Variants in NLGN1 observed in about 807,000 individuals in gnomAD.
NLGN1 encodes neuroligin 1.
NLGN1 carries 12 observed loss-of-function variants against 65.5 expected under a neutral mutation model. That is an observed-to-expected ratio of 0.18 (90% CI 0.12 to 0.30). The LOEUF is 0.30. Among genes scored for constraint, NLGN1 ranks in the 10% least tolerant of loss-of-function variants. The pLI is 1.00. For missense variants in NLGN1, 750 were observed against 1,007.1 expected (o/e 0.74, Z 3.46); for synonymous variants, 350 against 359.5 (o/e 0.97, Z 0.30).
chr3:174,126,655 G>T (rs1217797687), intron 4 of NLGN1, among the ~76,000 whole-genome samples: 1 of 151,994 alleles, frequency 6.6e-6, no homozygotes, highest in African/African-American at 2.4e-5. Context: ...ACTGAGAAGA[G>T]AATATAAAAT....
chr3:173,637,190 T>C (rs1756728678), intron 3 of NLGN1, among the ~76,000 whole-genome samples: 1 of 152,130 alleles, frequency 6.6e-6, no homozygotes, highest in African/African-American at 2.4e-5. Flanking sequence ...TGAGGGTCAA[T>C]GAAAATCATT....
chr3:173,397,520 C>G (rs1457612234), upstream of NLGN1, among the ~76,000 whole-genome samples: 4 of 152,004 alleles, frequency 2.6e-5, no homozygotes, highest in East Asian at 7.8e-4. Flanking sequence ...TCCTGGTGGG[C>G]GTTCTCTCCC....
At chr3:174,207,363 C>G (rs1735627920) in intron 4 of NLGN1, among the ~76,000 whole-genome samples, 1 of 152,186 alleles carries the variant, frequency 6.6e-6, no homozygotes, top group African/African-American at 2.4e-5. Flanking sequence ...TCTTCAGCCA[C>G]AGGCACAGGA....
intron 3 of NLGN1, among the ~76,000 whole-genome samples, chr3:173,630,712 C>T (rs751012040): frequency 6.6e-6 from 1 of 151,968 alleles, no homozygotes; most frequent in Admixed American, 6.6e-5. Context: ...TACTAGGTAC[C>T]AGTATTCTTT....
intron 3 of NLGN1, among the ~76,000 whole-genome samples, chr3:173,637,082 G>T (rs957885340): frequency 2.6e-5 from 4 of 152,034 alleles, no homozygotes; most frequent in African/African-American, 9.7e-5. Flanking sequence ...TAAAAAAATA[G>T]TTACTTTGCC....
chr3:173,993,656 A>ATAGC (rs1331807121), intron 4 of NLGN1, among the ~76,000 whole-genome samples: 3 of 144,912 alleles, frequency 2.1e-5, no homozygotes, highest in East Asian at 3.9e-4. Context: ...TAGATAGATG[A>ATAGC]TAGATAGATA....
In NLGN1 at chr3:173,939,405, T is replaced by G. The variant is rs1247652600; in HGVS notation, c.646+131573T>G. Among the ~76,000 whole-genome samples, 30 of 152,190 alleles carry G rather than the reference T, an allele frequency of 2.0e-4. 1 individual carries two copies. The highest frequency in any genetic ancestry group is 2.0e-3 in the Admixed American group (30 of 15,280). Reference sequence around the variant, plus strand: ...CATTTATCTCGTGGGTTAAAATCATTCATTGATCGCTAATCACCTGTGGTT... The same window carrying G: ...CATTTATCTCGTGGGTTAAAATCATGCATTGATCGCTAATCACCTGTGGTT... On this transcript the variant is annotated intron_variant, in intron 4 of 6. Coordinates refer to ENST00000457714, the Ensembl canonical transcript of NLGN1.
At chr3:174,286,452 G>A (rs987071982) in exon 7 of NLGN1, 9 of 151,438 alleles carry the variant, frequency 5.9e-5, no homozygotes, top group Non-Finnish European at 1.2e-4. Flanking sequence ...TAGATGGTGT[G>A]TTTAAAAGGA....
At chr3:174,230,102 T>C (rs1484348338) in intron 4 of NLGN1, among the ~76,000 whole-genome samples, 1 of 152,094 alleles carries the variant, frequency 6.6e-6, no homozygotes, top group Non-Finnish European at 1.5e-5. Flanking sequence ...GGCAGTGTGG[T>C]GAAATGCAAT....
chr3:173,524,765 TATC>T (rs1216343140), intron 2 of NLGN1, among the ~76,000 whole-genome samples: 1 of 152,240 alleles, frequency 6.6e-6, no homozygotes, highest in Non-Finnish European at 1.5e-5. Flanking sequence ...TGTGGGTTTT[TATC>T]ATGAAGAGAT....
intron 4 of NLGN1, among the ~76,000 whole-genome samples, chr3:173,978,834 T>TAAAA (rs34496124): frequency 5.8e-4 from 64 of 111,250 alleles, no homozygotes; most frequent in African/African-American, 2.1e-3. Context: ...CTTCTCTAAT[T>TAAAA]AAAAAAAAAA....
At chr3:174,082,212 C>T (rs1240021130) in intron 4 of NLGN1, among the ~76,000 whole-genome samples, 9 of 152,136 alleles carry the variant, frequency 5.9e-5, no homozygotes, top group Admixed American at 5.9e-4. Context: ...TCTGTTGAGG[C>T]AAACCACACA....
intron 2 of NLGN1, among the ~76,000 whole-genome samples, chr3:173,546,521 A>G (rs967900948): frequency 7.9e-5 from 12 of 152,212 alleles, no homozygotes; most frequent in African/African-American, 2.9e-4. Context: ...TATTGGTTAA[A>G]TGAAGAAAAT....
rs530181661 is a variant in NLGN1, at chr3:173,962,771, A to G, written c.646+154939A>G. ...AACTACAAAGTTATCCTTCTGATAC[A>G]GAATAGCCTAAGGGTGCTTTCTAAT... On this transcript the variant is annotated intron_variant, in intron 4 of 6. Coordinates refer to ENST00000457714, the Ensembl canonical transcript of NLGN1. 2.6e-5 allele frequency among the ~76,000 whole-genome samples: 4 copies of G among 152,298 alleles called. No individual in the cohort carries two copies. In the East Asian group the frequency reaches 7.7e-4, roughly 29 times the overall value.
At chr3:173,705,746 C>CT (rs1339374760) in intron 3 of NLGN1, among the ~76,000 whole-genome samples, 14 of 149,176 alleles carry the variant, frequency 9.4e-5, no homozygotes, top group African/African-American at 1.5e-4. Flanking sequence ...CCTACCCATC[C>CT]TTTTTTTTTT....
intron 4 of NLGN1, among the ~76,000 whole-genome samples, chr3:174,010,803 C>A (rs1425279862): frequency 1.3e-5 from 2 of 152,078 alleles, no homozygotes; most frequent in African/African-American, 2.4e-5. Flanking sequence ...TTAGTGCCAC[C>A]AGGTTACCAT....
intron 2 of NLGN1, among the ~76,000 whole-genome samples, chr3:173,535,939 A>G (rs1737363339): frequency 6.6e-6 from 1 of 152,230 alleles, no homozygotes; most frequent in African/African-American, 2.4e-5. Flanking sequence ...TCTGAGACAT[A>G]TTAACTCGTT....
chr3:173,902,893 C>T (rs915002952), intron 4 of NLGN1, among the ~76,000 whole-genome samples: 8 of 151,900 alleles, frequency 5.3e-5, no homozygotes, highest in Admixed American at 5.3e-4. Context: ...AGCATCAAAG[C>T]GAGGCTTAGT....
At chr3:173,401,835 G>A (rs767513594) in intron 1 of NLGN1, among the ~76,000 whole-genome samples, 8 of 152,124 alleles carry the variant, frequency 5.3e-5, no homozygotes, top group Non-Finnish European at 1.0e-4. Context: ...AAAGAGGGTC[G>A]ATATAATTTT....
Sources: gnomAD v4.1 joint callset for allele counts (sites outside exome capture counted in the v4.1 genomes callset) on GRCh38, gnomAD v4.1.1 for gene constraint, MANE v1.5 for transcripts, NCBI Gene and HGNC (gene_info 2026-07-23, HGNC 2026-07-21) for gene names.